CDH4: variants seen among roughly 807,000 people sequenced by gnomAD.
CDH4 encodes the protein cadherin-4.
In CDH4, 33 loss-of-function variants were observed where a neutral mutation model predicts 86.0. That is an observed-to-expected ratio of 0.38 (90% CI 0.29 to 0.51). The LOEUF is 0.51. CDH4 is among the 20% of genes least tolerant of loss of function. The pLI is 0.86. For missense variants in CDH4, 1,114 were observed against 1,307.4 expected (o/e 0.85, Z 2.28); for synonymous variants, 555 against 549.4 (o/e 1.01, Z -0.14).
chr20:61,537,097 A>T (rs181037547), intron 2 of CDH4, among the ~76,000 whole-genome samples: 14 of 152,304 alleles, frequency 9.2e-5, no homozygotes, highest in Non-Finnish European at 1.9e-4. Flanking sequence ...TTCACTGGGG[A>T]TGCCAGGCGT....
intron 2 of CDH4, among the ~76,000 whole-genome samples, chr20:61,381,833 T>A (rs1032342161): frequency 4.6e-5 from 7 of 152,122 alleles, no homozygotes; most frequent in Admixed American, 1.3e-4. Context: ...CCTAGCACTT[T>A]GAGAAGCTGG....
intron 2 of CDH4, among the ~76,000 whole-genome samples, chr20:61,742,855 C>T (rs1448020916): frequency 6.6e-6 from 1 of 152,198 alleles, no homozygotes; most frequent in African/African-American, 2.4e-5. Flanking sequence ...GGAAGCGAAG[C>T]AATGCTCAGC....
At chr20:61,726,278 G>T (rs767603297) in intron 2 of CDH4, among the ~76,000 whole-genome samples, 1 of 152,136 alleles carries the variant, frequency 6.6e-6, no homozygotes, top group Non-Finnish European at 1.5e-5. Context: ...CAGGCCAGGT[G>T]CCTCATGGTG....
chr20:61,832,840 G>T (rs1037502058), intron 4 of CDH4, among the ~76,000 whole-genome samples: 5 of 152,184 alleles, frequency 3.3e-5, no homozygotes, highest in Non-Finnish European at 7.3e-5. Context: ...AGCATCCGTT[G>T]TCATTACCAT....
chr20:61,359,320 C>T (rs1321301819), intron 2 of CDH4, among the ~76,000 whole-genome samples: 1 of 152,158 alleles, frequency 6.6e-6, no homozygotes, highest in Non-Finnish European at 1.5e-5. Flanking sequence ...ACGCCGACCC[C>T]GAATTCTGTG....
In CDH4 at chr20:61,425,023, C is replaced by T. The variant is rs540733238; in HGVS notation, c.169+170086C>T. 6.6e-5 allele frequency among the ~76,000 whole-genome samples: 10 copies of T among 152,356 alleles called. No individual in the cohort carries two copies. In the East Asian group the frequency reaches 9.7e-4, roughly 15 times the overall value. On this transcript the variant is annotated intron_variant, in intron 2 of 15. Transcript: ENST00000614565. ...TACAGCCTCCTAGCCGGTGCTGGCT[C>T]GTCCAGGAAAGGTTGCTGAGCCCCA... is the stretch of plus-strand genomic sequence containing the variant.
intron 6 of CDH4, among the ~76,000 whole-genome samples, chr20:61,854,567 G>A (rs916865517): frequency 2.1e-5 from 3 of 145,650 alleles, no homozygotes; most frequent in Non-Finnish European, 4.5e-5. Flanking sequence ...CCCCAGGGCT[G>A]CAGTGTGAAC....
chr20:61,398,948 C>T (rs1389141715), intron 2 of CDH4, among the ~76,000 whole-genome samples: 1 of 152,132 alleles, frequency 6.6e-6, no homozygotes, highest in Non-Finnish European at 1.5e-5. Flanking sequence ...ATTGTGCAGC[C>T]TCTGGCCATG....
At chr20:61,565,200 TGGTCGCGGTGCTCTCGGTGGTA>T (rs1210747766) in intron 2 of CDH4, among the ~76,000 whole-genome samples, 13 of 47,380 alleles carry the variant, frequency 2.7e-4, no homozygotes, top group Non-Finnish European at 4.7e-4. Context: ...CTCTTGGTGG[TGGTCGCGGTGCTCTCGGTGGTA>T]GGTGGTGGTG....
intron 2 of CDH4, among the ~76,000 whole-genome samples, chr20:61,705,684 C>A (rs2087821791): frequency 6.6e-6 from 1 of 152,162 alleles, no homozygotes; most frequent in African/African-American, 2.4e-5. Flanking sequence ...GCCTGGAGGC[C>A]CCCTCACCCA....
chr20:61,524,471 C>T (rs1600729093), intron 2 of CDH4, among the ~76,000 whole-genome samples: 1 of 151,474 alleles, frequency 6.6e-6, no homozygotes, highest in East Asian at 1.9e-4. Context: ...AATTTTGCAA[C>T]TTCTATGAAT....
At chr20:61,759,034 T>G (rs2088600516) in intron 3 of CDH4, among the ~76,000 whole-genome samples, 1 of 152,194 alleles carries the variant, frequency 6.6e-6, no homozygotes, top group Non-Finnish European at 1.5e-5. Flanking sequence ...TGCACATGTG[T>G]GCGTTCGCAC....
chr20:61,624,767 A>G (rs1305344591), intron 2 of CDH4, among the ~76,000 whole-genome samples: 1 of 152,234 alleles, frequency 6.6e-6, no homozygotes, highest in Non-Finnish European at 1.5e-5. Context: ...GCTGCAGGGC[A>G]TGTTTGCAGA....
At chr20:61,872,722 G>T (rs141970365) in intron 6 of CDH4, among the ~76,000 whole-genome samples, 6 of 152,228 alleles carry the variant, frequency 3.9e-5, no homozygotes, top group African/African-American at 1.4e-4. Context: ...CAGGAACACC[G>T]GAAGGTGGCG....
intron 4 of CDH4, among the ~76,000 whole-genome samples, chr20:61,813,472 G>A (rs1980545295): frequency 6.6e-6 from 1 of 152,236 alleles, no homozygotes; most frequent in South Asian, 2.1e-4. Flanking sequence ...ATGGGGACCT[G>A]AGGCTCAGAG....
chr20:61,491,509 G>C (rs2085625670), intron 2 of CDH4, among the ~76,000 whole-genome samples: 1 of 152,228 alleles, frequency 6.6e-6, no homozygotes, highest in Non-Finnish European at 1.5e-5. Context: ...GCACCATGGA[G>C]AGTTTACATA....
chr20:61,448,031 G>T (rs2085361581), intron 2 of CDH4, among the ~76,000 whole-genome samples: 1 of 152,094 alleles, frequency 6.6e-6, no homozygotes, highest in South Asian at 2.1e-4. Flanking sequence ...TGTCTTTCTT[G>T]TTCGTCCCTG....
At chr20:61,305,182 G>A (rs1779051367) in intron 2 of CDH4, among the ~76,000 whole-genome samples, 1 of 152,184 alleles carries the variant, frequency 6.6e-6, no homozygotes, top group Admixed American at 6.5e-5. Flanking sequence ...CTGTCCGTAA[G>A]TGTGTGTTTC....
chr20:61,771,067 A>G (rs1166696526), intron 3 of CDH4, among the ~76,000 whole-genome samples: 3 of 144,836 alleles, frequency 2.1e-5, no homozygotes, highest in African/African-American at 7.7e-5. Flanking sequence ...CTGGAGTGCA[A>G]TGGCACAATC....
Sources: allele counts gnomAD v4.1 joint callset (sites outside exome capture counted in the v4.1 genomes callset), GRCh38; gene constraint gnomAD v4.1.1; transcripts MANE v1.5; gene names NCBI Gene and HGNC (gene_info 2026-07-23, HGNC 2026-07-21).